Variants in EMCN observed in about 807,000 individuals in gnomAD.
The protein encoded by EMCN is endomucin.
In EMCN, 37 loss-of-function variants were observed where a neutral mutation model predicts 38.4. The ratio of observed to expected loss-of-function variants is 0.96; its 90% CI spans 0.74 to 1.27. The LOEUF is 1.27. EMCN is among the 50% of genes most tolerant of loss of function. The pLI is 0.00. For missense variants in EMCN, 318 were observed against 302.8 expected, an observed-to-expected ratio of 1.05 and a Z score of -0.37; for synonymous variants, 95 against 100.8, an observed-to-expected ratio of 0.94 and a Z score of 0.35.
At chr4:100,514,987 G>A (rs1729716014) in intron 1 of EMCN, among the ~76,000 whole-genome samples, 1 of 152,020 alleles carries the variant, frequency 6.6e-6, no homozygotes, top group Non-Finnish European at 1.5e-5. Context: ...ACGATATTTA[G>A]CATGGAGTCT....
At chr4:100,439,563 T>TAC in intron 5 of EMCN, among the ~76,000 whole-genome samples, 1 of 151,626 alleles carries the variant, frequency 6.6e-6, no homozygotes, top group Admixed American at 6.6e-5. Flanking sequence ...TATCCATTTT[T>TAC]TTTTATTTTT....
rs3087542 is a variant in EMCN at position 100,397,108 on chromosome 4, C to T, written c.*1305G>A. On this transcript the variant is annotated 3_prime_UTR_variant, in exon 12 of 12. Transcript: ENST00000296420. Reference sequence around the variant, plus strand: ...AGATGGAAGTTGTCAAAATACATCACCACAAAACAAATTTTAAAAGGCTAT... The same window carrying T: ...AGATGGAAGTTGTCAAAATACATCATCACAAAACAAATTTTAAAAGGCTAT... The T allele has an allele frequency of 0.17, 26,344 of 151,964 alleles. 3,810 individuals carry two copies. Among genetic ancestry groups the T allele is most frequent in the East Asian group, 0.77 (3,954 of 5,138 alleles). 9.4% of individuals were successfully genotyped at this position (151,964 alleles called of 1,614,324 possible). A position where few individuals can be genotyped will look rare whatever the true frequency, so the allele number is the denominator to read the frequency against.
Position 100,499,374 on chromosome 4 carries a change from A to G in EMCN, c.64+18477T>C, listed in dbSNP as rs77842115. Reference sequence around the variant, plus strand: ...ATGGCAATATTAGTATTACATTATAATGTCAGATGTGTTACCACATTGAAA... The same window carrying G: ...ATGGCAATATTAGTATTACATTATAGTGTCAGATGTGTTACCACATTGAAA... On this transcript the variant is annotated intron_variant, in intron 1 of 11. Coordinates refer to ENST00000296420, the MANE Select transcript of EMCN (RefSeq NM_016242.4). Among the ~76,000 whole-genome samples the G allele has an allele frequency of 9.5e-3, 1,441 of 152,330 alleles. 13 individuals carry two copies. Among genetic ancestry groups the G allele is most frequent in the Non-Finnish European group, 0.016 (1,069 of 68,024 alleles).
chr4:100,397,016 G>A lies in EMCN; in HGVS notation c.*1397C>T, dbSNP rs2110200848. 6.6e-6 allele frequency: 1 copy of A among 150,886 alleles called. No homozygotes were observed. The highest frequency in any genetic ancestry group is 2.4e-5 in the African/African-American group (1 of 41,066). The allele number at this position is 150,886 out of a possible 1,614,324, so 9.3% of individuals were successfully genotyped here. On this transcript the variant is annotated 3_prime_UTR_variant, in exon 12 of 12. Transcript: ENST00000296420. ...AATATAGATATGCTTATGCTTGCTT[G>A]GTGTCCTTGATTATAAATAGTCCAA...
At chr4:100,501,673 T>TAA (rs1337200385) in intron 1 of EMCN, among the ~76,000 whole-genome samples, 1 of 152,166 alleles carries the variant, frequency 6.6e-6, no homozygotes, top group African/African-American at 2.4e-5. Flanking sequence ...TAAAGTGTTA[T>TAA]AATTATTCTC....
intron 1 of EMCN, among the ~76,000 whole-genome samples, chr4:100,492,213 A>G (rs964436271): frequency 6.6e-6 from 1 of 152,202 alleles, no homozygotes; most frequent in African/African-American, 2.4e-5. Flanking sequence ...TGACAAAGAA[A>G]TAGAAACAAC....
chr4:100,493,789 T>C (rs1225578600), intron 1 of EMCN, among the ~76,000 whole-genome samples: 1 of 152,230 alleles, frequency 6.6e-6, no homozygotes, highest in Non-Finnish European at 1.5e-5. Context: ...CTTCAATTAG[T>C]ATAGCAGTAG....
At chr4:100,429,107 A>C (rs1351577188) in intron 5 of EMCN, among the ~76,000 whole-genome samples, 1 of 152,178 alleles carries the variant, frequency 6.6e-6, no homozygotes, top group Non-Finnish European at 1.5e-5. Context: ...AGAAGTAAAC[A>C]GGCCCCTTCT....
chr4:100,486,175 G>A (rs975976550), intron 1 of EMCN, among the ~76,000 whole-genome samples: 2 of 152,134 alleles, frequency 1.3e-5, no homozygotes, highest in Admixed American at 1.3e-4. Flanking sequence ...ATCAAAGTGA[G>A]GTCATGTCTC....
chr4:100,479,838 T>C (rs1005064611), intron 2 of EMCN, 79 bp downstream of exon 2: 48 of 1,197,722 alleles, frequency 4.0e-5, no homozygotes, highest in Non-Finnish European at 5.5e-5. Context: ...TCCCGAATTA[T>C]TTTTTCATAC....
At chr4:100,499,103 A>C (rs1371791486) in intron 1 of EMCN, among the ~76,000 whole-genome samples, 2 of 152,120 alleles carry the variant, frequency 1.3e-5, no homozygotes, top group Non-Finnish European at 2.9e-5. Context: ...TTATCTTGTA[A>C]GATTTTAAGT....
At chr4:100,467,018 G>C (rs1188296450) in intron 3 of EMCN, among the ~76,000 whole-genome samples, 2 of 152,074 alleles carry the variant, frequency 1.3e-5, no homozygotes, top group African/African-American at 4.8e-5. Context: ...AGATGTGGAG[G>C]GCTGCCAGAT....
At chr4:100,439,046 G>A (rs989652389) in intron 5 of EMCN, among the ~76,000 whole-genome samples, 8 of 152,030 alleles carry the variant, frequency 5.3e-5, no homozygotes, top group African/African-American at 1.9e-4. Context: ...ATCTGCATTC[G>A]TCAGACAGAT....
At chr4:100,457,017 C>T (rs904177920) in intron 4 of EMCN, among the ~76,000 whole-genome samples, 5 of 151,774 alleles carry the variant, frequency 3.3e-5, no homozygotes, top group Non-Finnish European at 7.4e-5. Flanking sequence ...GTTTTATTTT[C>T]CTGGAAAATT....
At chr4:100,488,135 A>C (rs1728987715) in intron 1 of EMCN, among the ~76,000 whole-genome samples, 1 of 152,172 alleles carries the variant, frequency 6.6e-6, no homozygotes, top group African/African-American at 2.4e-5. Flanking sequence ...CCATTTTTTC[A>C]TCTATAAAAA....
intron 5 of EMCN, among the ~76,000 whole-genome samples, chr4:100,430,742 G>C (rs962592278): frequency 2.0e-5 from 3 of 152,132 alleles, no homozygotes; most frequent in African/African-American, 7.2e-5. Flanking sequence ...AAACCACTTA[G>C]CCATACCCAG....
Position 100,456,048 on chromosome 4 carries a change from G to A in EMCN, c.377-8477C>T, listed in dbSNP as rs576910241. Among the ~76,000 whole-genome samples the A allele has an allele frequency of 2.6e-5, 4 of 152,222 alleles. No individual in the cohort carries two copies. The South Asian group carries it at 8.3e-4, about 32-fold the overall frequency. On this transcript the variant is annotated intron_variant, in intron 4 of 11. Coordinates refer to ENST00000296420, the MANE Select transcript of EMCN (RefSeq NM_016242.4). ...GGGCTCAAGCGATTTGCCCACTTTG[G>A]ACTCTCAAGTGTTGGAACTACTTTG... is the stretch of plus-strand genomic sequence containing the variant.
At position 100,518,017 on chromosome 4, in the gene EMCN, G is replaced by A. The variant is rs935961497; in HGVS notation, c.-103C>T. The A allele has an allele frequency of 9.1e-7, 1 of 1,099,732 alleles. No individual in the cohort carries two copies. Among genetic ancestry groups the A allele is most frequent in the Non-Finnish European group, 1.4e-6 (1 of 715,914 alleles). The allele number at this position is 1,099,732 out of a possible 1,614,324, so 68.1% of individuals were successfully genotyped here. ...TATTAGCAAATGGAAAAGGTGTAGT[G>A]AATGTGAATAGCCACTGCCCATTCC... On this transcript the variant is annotated 5_prime_UTR_variant, in exon 1 of 12. Transcript: ENST00000296420.
At position 100,422,822 on chromosome 4, in the gene EMCN, C is replaced by CT. The variant is rs71878999; in HGVS notation, c.568+198dup. Among the ~76,000 whole-genome samples the CT allele has an allele frequency of 7.5e-3, 914 of 122,654 alleles. 8 individuals carry two copies. The highest frequency in any genetic ancestry group is 0.012 in the Non-Finnish European group (615 of 53,312). 80.5% of individuals were successfully genotyped at this position (122,654 alleles called of 152,430 possible). On this transcript the variant is annotated intron_variant, in intron 7 of 11. Transcript: ENST00000296420. ...TTTTCTTTCTTTCTTTCTTTCTTTTCTTTTTTTTTTTTTTTGTCATTAAGA... is the reference window on the plus strand; with the variant it reads ...TTTTCTTTCTTTCTTTCTTTCTTTTCTTTTTTTTTTTTTTTTGTCATTAAGA...
Sources: gnomAD v4.1 joint callset for allele counts (sites outside exome capture counted in the v4.1 genomes callset) on GRCh38, gnomAD v4.1.1 for gene constraint, MANE v1.5 for transcripts, NCBI Gene and HGNC (gene_info 2026-07-23, HGNC 2026-07-21) for gene names.